EXOC4: variants seen among roughly 807,000 people sequenced by gnomAD.
EXOC4 encodes the protein exocyst complex component 4.
In EXOC4, 71 loss-of-function variants were observed where a neutral mutation model predicts 107.2. That is an observed-to-expected ratio of 0.66 (90% CI 0.55 to 0.81). EXOC4 has a LOEUF of 0.81. EXOC4 is among the 30% of genes least tolerant of loss of function. EXOC4 has a pLI of 0.00. For synonymous variants in EXOC4, 456 were observed against 441.2 expected (o/e 1.03, Z -0.42); for missense variants, 1,108 against 1,189.6 (o/e 0.93, Z 1.01).
intron 9 of EXOC4, among the ~76,000 whole-genome samples, chr7:133,509,694 G>C (rs1041185862): frequency 1.3e-5 from 2 of 152,168 alleles, no homozygotes; most frequent in African/African-American, 4.8e-5. Flanking sequence ...ATTGGAGAGA[G>C]AAATAAATGT....
rs71550638 is a variant in EXOC4 at position 133,896,893 on chromosome 7, A to T, written c.1871+1158A>T. Among the ~76,000 whole-genome samples, 2 of 35,300 alleles carry T rather than the reference A, an allele frequency of 5.7e-5. 1 individual carries two copies. The highest frequency in any genetic ancestry group is 1.2e-3 in the East Asian group (2 of 1,722). 23.2% of individuals were successfully genotyped at this position (35,300 alleles called of 152,430 possible). The stretch of plus-strand genomic sequence containing the variant: ...TTGGCCAGGCTGGTCGCGAATTCCT[A>T]ACCTCATGATCCGCCCACCTCGGTC... On this transcript the variant is annotated intron_variant, in intron 12 of 17. Coordinates refer to ENST00000253861, the MANE Select transcript of EXOC4 (RefSeq NM_021807.4).
Position 133,823,861 on chromosome 7 carries a change from A to ATATATAAAAAT in EXOC4, c.1734+6323_1734+6324insAAAATTATATA, listed in dbSNP as rs1554405826. Among the ~76,000 whole-genome samples, 83 of 17,326 alleles carry ATATATAAAAAT rather than the reference A, an allele frequency of 4.8e-3. No homozygotes were observed. In the African/African-American group the frequency reaches 0.051, roughly 11 times the overall value. The allele number at this position is 17,326 out of a possible 152,430, so 11.4% of individuals were successfully genotyped here. A position where few individuals can be genotyped will look rare whatever the true frequency, so the allele number is the denominator to read the frequency against. On this transcript the variant is annotated intron_variant, in intron 11 of 17. Coordinates refer to ENST00000253861, the MANE Select transcript of EXOC4 (RefSeq NM_021807.4). ...ATATATATTATATATATATATATATATATATATATATTATATATATATATA... is the reference window on the plus strand; with the variant it reads ...ATATATATTATATATATATATATATATATATAAAAATTATATATATATTATATATATATATA...
the EXOC4 span, among the ~76,000 whole-genome samples, chr7:134,096,694 G>A: frequency 6.6e-6 from 1 of 152,124 alleles, no homozygotes; most frequent in African/African-American, 2.4e-5. Context: ...TGATGTTCAA[G>A]GGCAGGAAGC....
At chr7:133,903,865 A>G (rs983331831) in intron 12 of EXOC4, among the ~76,000 whole-genome samples, 2 of 152,198 alleles carry the variant, frequency 1.3e-5, no homozygotes, top group Non-Finnish European at 2.9e-5. Flanking sequence ...GGACATTGAC[A>G]AGCAGCAGCC....
At chr7:133,565,139 G>A (rs938240193) in intron 9 of EXOC4, among the ~76,000 whole-genome samples, 1 of 152,110 alleles carries the variant, frequency 6.6e-6, no homozygotes, top group African/African-American at 2.4e-5. Flanking sequence ...AGGTTCAGGG[G>A]AACTGTAACC....
intron 9 of EXOC4, among the ~76,000 whole-genome samples, chr7:133,585,260 A>G (rs1158277293): frequency 1.3e-5 from 2 of 152,238 alleles, no homozygotes; most frequent in Non-Finnish European, 2.9e-5. Flanking sequence ...ACTTCAAGTG[A>G]CGGACTTTCC....
At chr7:133,549,220 G>T (rs1369827429) in intron 9 of EXOC4, among the ~76,000 whole-genome samples, 1 of 152,096 alleles carries the variant, frequency 6.6e-6, no homozygotes, top group Non-Finnish European at 1.5e-5. Context: ...TTGAACCCCT[G>T]CCCTCAAGTG....
At chr7:134,044,724 G>C (rs1795605860) in intron 17 of EXOC4, among the ~76,000 whole-genome samples, 1 of 152,196 alleles carries the variant, frequency 6.6e-6, no homozygotes, top group Non-Finnish European at 1.5e-5. Flanking sequence ...CTGCACCTCA[G>C]TTTCCAGCTC....
In EXOC4 at chr7:133,313,885, A is replaced by G. The variant is rs1794931621; in HGVS notation, c.657-3399A>G. 3.3e-5 allele frequency among the ~76,000 whole-genome samples: 5 copies of G among 152,120 alleles called. No individual in the cohort carries two copies. In the South Asian group the frequency reaches 1.0e-3, roughly 32 times the overall value. ...ATTCAGTCACAATATATAATTGGTA[A>G]TTTTGGGGGGACCATTTTATACTAG... On this transcript the variant is annotated intron_variant, in intron 4 of 17. Transcript: ENST00000253861.
chr7:133,670,133 C>T (rs1172374813), intron 10 of EXOC4, among the ~76,000 whole-genome samples: 5 of 152,090 alleles, frequency 3.3e-5, no homozygotes, highest in African/African-American at 9.7e-5. Flanking sequence ...TGAAGTGTCT[C>T]GTTTAAAGAT....
chr7:133,373,891 G>T (rs1344554529), intron 6 of EXOC4, among the ~76,000 whole-genome samples: 4 of 152,206 alleles, frequency 2.6e-5, no homozygotes, highest in Non-Finnish European at 5.9e-5. Flanking sequence ...GTGAGGTAAA[G>T]TATCTATATA....
intron 4 of EXOC4, 59 bp from the exon 5 acceptor site, chr7:133,317,225 T>C (rs1156989861): frequency 8.4e-7 from 1 of 1,188,924 alleles, no homozygotes; most frequent in Non-Finnish European, 1.3e-6. Flanking sequence ...GGGGCTGTAG[T>C]GGGAGGACTT....
intron 5 of EXOC4, among the ~76,000 whole-genome samples, chr7:133,337,329 G>A (rs981809886): frequency 5.9e-5 from 9 of 152,084 alleles, no homozygotes; most frequent in African/African-American, 2.2e-4. Flanking sequence ...ACAATTTATG[G>A]AGCATTGGGA....
At chr7:133,361,132 T>C (rs1796127070) in intron 6 of EXOC4, among the ~76,000 whole-genome samples, 1 of 152,132 alleles carries the variant, frequency 6.6e-6, no homozygotes, top group African/African-American at 2.4e-5. Context: ...TTGGGTAAAA[T>C]GCCCAACAAA....
At chr7:133,952,017 G>A (rs149517587) in intron 14 of EXOC4, among the ~76,000 whole-genome samples, 1,599 of 152,256 alleles carry the variant, frequency 0.011, 18 homozygotes, top group African/African-American at 0.036. Context: ...TTAGCCAAGC[G>A]TGGTGGCAGG....
the EXOC4 span, among the ~76,000 whole-genome samples, chr7:134,084,409 A>G: frequency 6.6e-6 from 1 of 152,210 alleles, no homozygotes; most frequent in African/African-American, 2.4e-5. Flanking sequence ...AAGTGAGAAG[A>G]TAGCTACCAA....
At chr7:133,402,432 T>G (rs935376558) in intron 7 of EXOC4, among the ~76,000 whole-genome samples, 8 of 152,232 alleles carry the variant, frequency 5.3e-5, no homozygotes, top group Admixed American at 2.0e-4. Flanking sequence ...CACTGGGGGA[T>G]CTTCTTAAAA....
intron 14 of EXOC4, among the ~76,000 whole-genome samples, chr7:133,978,386 A>T (rs1793892828): frequency 6.6e-6 from 1 of 152,206 alleles, no homozygotes; most frequent in Non-Finnish European, 1.5e-5. Flanking sequence ...GCAGCATTGC[A>T]TTAAAGGTAG....
intron 14 of EXOC4, among the ~76,000 whole-genome samples, chr7:133,957,927 G>A (rs1226784756): frequency 6.6e-6 from 1 of 152,120 alleles, no homozygotes; most frequent in East Asian, 1.9e-4. Flanking sequence ...TTAGCACTAC[G>A]ATTCCTTTTC....
Sources: gnomAD v4.1 joint callset for allele counts (sites outside exome capture counted in the v4.1 genomes callset) on GRCh38, gnomAD v4.1.1 for gene constraint, MANE v1.5 for transcripts, NCBI Gene and HGNC (gene_info 2026-07-23, HGNC 2026-07-21) for gene names.